Variants in ARFGEF1 observed in about 807,000 individuals in gnomAD.
ARFGEF1 encodes the protein ARF guanine nucleotide exchange factor 1.
Under a neutral mutation model 231.0 loss-of-function variants are expected in ARFGEF1, and 42 were observed. The observed-to-expected ratio is 0.18, with a 90% CI of 0.14 to 0.24. ARFGEF1 has a LOEUF of 0.24. Among genes scored for constraint, ARFGEF1 ranks in the 10% least tolerant of loss-of-function variants. ARFGEF1 has a pLI of 1.00. For synonymous variants in ARFGEF1, 710 were observed against 732.3 expected (o/e 0.97, Z 0.49); for missense variants, 1,345 against 2,192.0 (o/e 0.61, Z 7.72).
chr8:67,299,197 TATA>T lies in ARFGEF1; in HGVS notation c.459+9_459+11del. ...GATTATTAATAACAATTTTACTTTA[TATA>T]ATAATTACCTTTATTATCTGCAGCT... On this transcript the variant is annotated intron_variant, in intron 4 of 38. Coordinates refer to ENST00000262215, the MANE Select transcript of ARFGEF1 (RefSeq NM_006421.5). 3 of 1,514,388 alleles carry T rather than the reference TATA, an allele frequency of 2.0e-6. No individual in the cohort carries two copies. The highest frequency in any genetic ancestry group is 2.6e-6 in the Non-Finnish European group (3 of 1,133,870). The allele number at this position is 1,514,388 out of a possible 1,614,324, so 93.8% of individuals were successfully genotyped here. A position where few individuals can be genotyped will look rare whatever the true frequency, so the allele number is the denominator to read the frequency against.
intron 5 of ARFGEF1, among the ~76,000 whole-genome samples, chr8:67,181,756 AC>A (rs1261082324): frequency 3.3e-5 from 5 of 152,190 alleles, no homozygotes; most frequent in Non-Finnish European, 7.4e-5. Flanking sequence ...CTATTGTGCA[AC>A]CACCACTATC....
chr8:67,190,581 T>C, intron 5 of ARFGEF1: 1 of 1,146,802 alleles, frequency 8.7e-7, no homozygotes, highest in Middle Eastern at 1.9e-4. Context: ...ATTAAAAGGC[T>C]CTTGGTTTAG....
At position 67,259,014 on chromosome 8, in the gene ARFGEF1, A is replaced by G. The variant is rs188792431; in HGVS notation, c.2236-724T>C. ...TACTCCCATATCTAGATTACTTATA[A>G]TAGGTAATACAATGTAAATAGGTTT... On this transcript the variant is annotated intron_variant, in intron 15 of 38. Transcript: ENST00000262215. Among the ~76,000 whole-genome samples, 342 of 152,288 alleles carry G rather than the reference A, an allele frequency of 2.2e-3. 1 individual carries two copies. Among genetic ancestry groups the G allele is most frequent in the African/African-American group, 8.0e-3 (334 of 41,558 alleles).
chr8:67,301,883 T>G (rs1393137850), intron 2 of ARFGEF1, among the ~76,000 whole-genome samples: 1 of 152,226 alleles, frequency 6.6e-6, no homozygotes, highest in Non-Finnish European at 1.5e-5. Flanking sequence ...CTTTATATAC[T>G]TATTTATATG....
rs374530515 is a variant in ARFGEF1, at chr8:67,253,539, T to C, written c.2610A>G (p.Leu870=). Residue 870 remains leucine (L), a synonymous_variant, in exon 18 of 39, where the codon CTA becomes CTG. Transcript: ENST00000262215. Reference sequence around the variant, plus strand: ...CAGCTATTTCATTATAGATGGCTGATAGATACTCTTCAGGAAGGTCTTTAC... The same window carrying C: ...CAGCTATTTCATTATAGATGGCTGACAGATACTCTTCAGGAAGGTCTTTAC... The part of the protein sequence containing the change: ...NDSKDLPEEY[L]SAIYNEIAGK... 5.3e-5 allele frequency: 84 copies of C among 1,583,836 alleles called. No individual in the cohort carries two copies. Among genetic ancestry groups the C allele is most frequent in the Admixed American group, 3.0e-4 (18 of 59,702 alleles).
chr8:67,181,885 TGAC>T (rs1833142521), intron 5 of ARFGEF1, among the ~76,000 whole-genome samples: 1 of 152,210 alleles, frequency 6.6e-6, no homozygotes, highest in Non-Finnish European at 1.5e-5. Flanking sequence ...TCCATAAATT[TGAC>T]TACTCTAGGA....
At chr8:67,300,106 C>T (rs1481876545) in intron 3 of ARFGEF1, among the ~76,000 whole-genome samples, 1 of 152,116 alleles carries the variant, frequency 6.6e-6, no homozygotes, top group Non-Finnish European at 1.5e-5. Context: ...GTATAAAACC[C>T]AGTTTCCATA....
intron 19 of ARFGEF1, among the ~76,000 whole-genome samples, chr8:67,246,442 G>A (rs1587127586): frequency 6.7e-6 from 1 of 150,066 alleles, no homozygotes; most frequent in Admixed American, 6.7e-5. Flanking sequence ...CTAGAAATCA[G>A]TAACAAGAAT....
chr8:67,282,776 A>T (rs1352089732), intron 7 of ARFGEF1, among the ~76,000 whole-genome samples: 1 of 151,628 alleles, frequency 6.6e-6, no homozygotes, highest in Admixed American at 6.6e-5. Context: ...TGAACCCGAT[A>T]GGCAGAGTTT....
chr8:67,295,911 T>G (rs1400753532), intron 5 of ARFGEF1, among the ~76,000 whole-genome samples: 1 of 152,210 alleles, frequency 6.6e-6, no homozygotes, highest in Non-Finnish European at 1.5e-5. Context: ...AAGCTTGATG[T>G]TGATTTTTAA....
At chr8:67,244,881 G>T (rs920226936) in intron 19 of ARFGEF1, among the ~76,000 whole-genome samples, 10 of 150,364 alleles carry the variant, frequency 6.7e-5, no homozygotes, top group African/African-American at 2.5e-4. Flanking sequence ...GAAGGTTATA[G>T]AACATCAAAC....
Position 67,343,662 on chromosome 8 carries a change from C to T in ARFGEF1, c.-375G>A. 1.0e-6 allele frequency: 1 copy of T among 980,256 alleles called. No individual in the cohort carries two copies. The highest frequency in any genetic ancestry group is 1.2e-6 in the Non-Finnish European group (1 of 818,562). The allele number at this position is 980,256 out of a possible 1,614,324, so 60.7% of individuals were successfully genotyped here. ...GAACTGAGGGACGAGGTGGCGGCGG[C>T]TCTCAGAGGCACCGCGAGAGAAGGG... On this transcript the variant is annotated 5_prime_UTR_variant, in exon 1 of 39. Transcript: ENST00000262215.
chr8:67,335,033 T>G (rs1248225134), intron 1 of ARFGEF1, among the ~76,000 whole-genome samples: 1 of 152,110 alleles, frequency 6.6e-6, no homozygotes, highest in African/African-American at 2.4e-5. Flanking sequence ...TGTAAATCAT[T>G]TATCAGAAAG....
chr8:67,190,832 C>G, intron 5 of ARFGEF1: 4 of 1,062,496 alleles, frequency 3.8e-6, no homozygotes, highest in Non-Finnish European at 5.8e-6. Flanking sequence ...TGTGCTAAAT[C>G]TGTGTGGCCC....
At chr8:67,191,692 A>G (rs955668001) in intron 5 of ARFGEF1, among the ~76,000 whole-genome samples, 4 of 152,046 alleles carry the variant, frequency 2.6e-5, no homozygotes, top group African/African-American at 9.7e-5. Context: ...GGTTGTTTTC[A>G]CTTTTTAGCT....
intron 14 of ARFGEF1, among the ~76,000 whole-genome samples, chr8:67,264,328 A>G (rs568763124): frequency 1.3e-5 from 2 of 152,152 alleles, no homozygotes; most frequent in Admixed American, 6.6e-5. Flanking sequence ...ATTAGGAAGT[A>G]TAATCAACAA....
intron 5 of ARFGEF1, among the ~76,000 whole-genome samples, chr8:67,190,356 G>C (rs955885794): frequency 1.3e-5 from 2 of 152,324 alleles, no homozygotes; most frequent in Middle Eastern, 3.4e-3. Context: ...TTTGGTGTTA[G>C]GTAAGGTAAA....
At chr8:67,265,954 A>G in intron 14 of ARFGEF1, 52 bp downstream of exon 14, 2 of 1,569,040 alleles carry the variant, frequency 1.3e-6, no homozygotes, top group Non-Finnish European at 1.8e-6. Context: ...GGGTGGCACT[A>G]TACTGGCAGA....
intron 5 of ARFGEF1, chr8:67,179,889 GA>G: frequency 6.3e-7 from 1 of 1,591,580 alleles, no homozygotes; most frequent in Non-Finnish European, 8.6e-7. Flanking sequence ...GTGATTTCTT[GA>G]AAAACTCATT....
Sources: gnomAD v4.1 joint callset for allele counts (sites outside exome capture counted in the v4.1 genomes callset) on GRCh38, gnomAD v4.1.1 for gene constraint, MANE v1.5 for transcripts, NCBI Gene and HGNC (gene_info 2026-07-23, HGNC 2026-07-21) for gene names.